CALCRL: variants seen among roughly 807,000 people sequenced by gnomAD.
The protein encoded by CALCRL is calcitonin gene-related peptide type 1 receptor.
A neutral mutation model predicts 60.4 loss-of-function variants in CALCRL; 27 were observed. The ratio of observed to expected loss-of-function variants is 0.45; its 90% CI spans 0.33 to 0.62. CALCRL has a LOEUF of 0.62. Among genes scored for constraint, CALCRL ranks in the 20% least tolerant of loss-of-function variants. The pLI is 0.03. For missense variants in CALCRL, 424 were observed against 540.7 expected (o/e 0.78, Z 2.14); for synonymous variants, 190 against 182.6 (o/e 1.04, Z -0.33).
chr2:187,347,731 A>G (rs1672020492), intron 14 of CALCRL, among the ~76,000 whole-genome samples: 2 of 151,924 alleles, frequency 1.3e-5, no homozygotes, highest in South Asian at 4.1e-4. Flanking sequence ...TTTACAGGAT[A>G]CTTCAGAGTT....
At chr2:187,387,529 T>C in intron 2 of CALCRL, 36 bp from the exon 3 acceptor site, 1 of 350,838 alleles carries the variant, frequency 2.9e-6, no homozygotes, top group Non-Finnish European at 5.1e-6. Context: ...CATGAATCAT[T>C]GTATTAATTT....
chr2:187,395,507 G>A (rs761184711), intron 1 of CALCRL, among the ~76,000 whole-genome samples: 6 of 152,100 alleles, frequency 3.9e-5, no homozygotes, highest in South Asian at 2.1e-4. Flanking sequence ...GTACTGTCTC[G>A]TTTTCTAGCA....
At chr2:187,389,748 A>C (rs1311658567) in intron 1 of CALCRL, among the ~76,000 whole-genome samples, 1 of 152,130 alleles carries the variant, frequency 6.6e-6, no homozygotes, top group Non-Finnish European at 1.5e-5. Context: ...TATTTAAGTA[A>C]ATTTTAAAGA....
chr2:187,439,704 A>G (rs1270780769), intron 1 of CALCRL, among the ~76,000 whole-genome samples: 1 of 152,108 alleles, frequency 6.6e-6, no homozygotes, highest in Non-Finnish European at 1.5e-5. Context: ...CAGGGTGGTG[A>G]GGGACTTAGG....
chr2:187,408,623 C>T (rs183335842), intron 1 of CALCRL, among the ~76,000 whole-genome samples: 2 of 151,722 alleles, frequency 1.3e-5, no homozygotes, highest in Admixed American at 1.3e-4. Context: ...ATAATAAAAC[C>T]CCCTTCTATG....
chr2:187,414,173 A>G (rs1047189841), intron 1 of CALCRL, among the ~76,000 whole-genome samples: 1 of 152,128 alleles, frequency 6.6e-6, no homozygotes, highest in African/African-American at 2.4e-5. Flanking sequence ...AAATTGGGAC[A>G]GCAACATAAT....
At chr2:187,379,552 CTTTT>C (rs1353441573) in intron 7 of CALCRL, among the ~76,000 whole-genome samples, 3 of 152,042 alleles carry the variant, frequency 2.0e-5, no homozygotes, top group Non-Finnish European at 2.9e-5. Context: ...ATGGTTTTCA[CTTTT>C]TTATTTTTAT....
intron 8 of CALCRL, among the ~76,000 whole-genome samples, chr2:187,364,454 C>T (rs1218526154): frequency 6.6e-6 from 1 of 151,768 alleles, no homozygotes; most frequent in East Asian, 1.9e-4. Context: ...CAAAAAATTT[C>T]ATGATGTGTG....
At chr2:187,408,948 A>C (rs1443206758) in intron 1 of CALCRL, among the ~76,000 whole-genome samples, 1 of 152,218 alleles carries the variant, frequency 6.6e-6, no homozygotes, top group African/African-American at 2.4e-5. Flanking sequence ...AAAAATAAGT[A>C]GCAATTACAT....
intron 9 of CALCRL, among the ~76,000 whole-genome samples, chr2:187,362,144 C>T: frequency 6.6e-6 from 1 of 151,988 alleles, no homozygotes; most frequent in East Asian, 1.9e-4. Flanking sequence ...AAAAATATTT[C>T]TATGCAGGGC....
chr2:187,394,374 C>A (rs530466736), intron 1 of CALCRL, among the ~76,000 whole-genome samples: 1 of 152,002 alleles, frequency 6.6e-6, no homozygotes, highest in African/African-American at 2.4e-5. Context: ...AAGAAACAAG[C>A]CAAGGCAACA....
At chr2:187,420,443 T>G (rs1157351978) in intron 1 of CALCRL, among the ~76,000 whole-genome samples, 1 of 152,144 alleles carries the variant, frequency 6.6e-6, no homozygotes, top group Non-Finnish European at 1.5e-5. Flanking sequence ...CTTAGATTTC[T>G]TCTTCTTTGA....
At chr2:187,354,563 G>T (rs1686684660) in intron 12 of CALCRL, among the ~76,000 whole-genome samples, 1 of 151,948 alleles carries the variant, frequency 6.6e-6, no homozygotes, top group Non-Finnish European at 1.5e-5. Flanking sequence ...AATTACTAGG[G>T]CTCTTCTGAG....
At chr2:187,391,656 G>T (rs957968945) in intron 1 of CALCRL, among the ~76,000 whole-genome samples, 2 of 152,032 alleles carry the variant, frequency 1.3e-5, no homozygotes, top group African/African-American at 2.4e-5. Flanking sequence ...ATTAAACTAA[G>T]TGGTTTATTA....
In CALCRL at chr2:187,370,810, T is replaced by C. The variant is rs372476623; in HGVS notation, c.501-7308A>G. Among the ~76,000 whole-genome samples, 127 of 152,312 alleles carry C rather than the reference T, an allele frequency of 8.3e-4. 5 individuals are homozygous for C. The South Asian group carries it at 0.025, about 30-fold the overall frequency. On this transcript the variant is annotated intron_variant, in intron 8 of 14. Coordinates refer to ENST00000392370, the MANE Select transcript of CALCRL (RefSeq NM_005795.6). ...CAATTATTTTATTATATAACTAAAA[T>C]GGACATATTGGAAACATTTTGGCAC...
rs558595390 is a variant in CALCRL at position 187,411,106 on chromosome 2, C to T, written c.-292-23350G>A. Among the ~76,000 whole-genome samples, 7 of 152,140 alleles carry T rather than the reference C, an allele frequency of 4.6e-5. No individual in the cohort carries two copies. In the East Asian group the frequency reaches 1.2e-3, roughly 25 times the overall value. On this transcript the variant is annotated intron_variant, in intron 1 of 14. Coordinates refer to ENST00000392370, the MANE Select transcript of CALCRL (RefSeq NM_005795.6). The stretch of plus-strand genomic sequence containing the variant: ...GGAAACCTTGCTAAACAAATTTTCT[C>T]TTTTAAATGGTACCCTTTTTACTTC...
intron 1 of CALCRL, among the ~76,000 whole-genome samples, chr2:187,421,223 A>T (rs1189746670): frequency 6.6e-6 from 1 of 152,216 alleles, no homozygotes; most frequent in Admixed American, 6.5e-5. Flanking sequence ...ATTTTCAAAC[A>T]CTTTGAAACT....
chr2:187,427,617 T>C (rs779627990), intron 1 of CALCRL, among the ~76,000 whole-genome samples: 20 of 152,192 alleles, frequency 1.3e-4, no homozygotes, highest in Admixed American at 6.5e-4. Context: ...ATTCCTCTTA[T>C]GAGAGGAACT....
chr2:187,425,872 A>G (rs1430160710), intron 1 of CALCRL, among the ~76,000 whole-genome samples: 1 of 151,994 alleles, frequency 6.6e-6, no homozygotes, highest in Non-Finnish European at 1.5e-5. Flanking sequence ...TAACTGTTAT[A>G]TCATTTTTAA....
Sources: gnomAD v4.1 joint callset for allele counts (sites outside exome capture counted in the v4.1 genomes callset) on GRCh38, gnomAD v4.1.1 for gene constraint, MANE v1.5 for transcripts, NCBI Gene and HGNC (gene_info 2026-07-23, HGNC 2026-07-21) for gene names.